Variants in RGS14 observed in about 807,000 individuals in gnomAD.
RGS14 encodes regulator of G-protein signaling 14.
A neutral mutation model predicts 63.8 loss-of-function variants in RGS14; 33 were observed. The observed-to-expected ratio is 0.52, with a 90% CI of 0.39 to 0.69. The LOEUF (loss-of-function observed/expected upper bound fraction) is 0.69. Among genes scored for constraint, RGS14 ranks in the 30% least tolerant of loss-of-function variants. RGS14 has a pLI of 0.00. For missense variants in RGS14, 739 were observed against 742.9 expected, an observed-to-expected ratio of 0.99 and a Z score of 0.06; for synonymous variants, 296 against 320.9, an observed-to-expected ratio of 0.92 and a Z score of 0.83.
chr5:177,364,322 T>C lies in RGS14; in HGVS notation c.46-1641T>C, dbSNP rs1192642268. 6.6e-6 allele frequency among the ~76,000 whole-genome samples: 1 copy of C among 152,110 alleles called. No homozygotes were observed. Among genetic ancestry groups the C allele is most frequent in the Non-Finnish European group, 1.5e-5 (1 of 67,998 alleles). On this transcript the variant is annotated intron_variant, in intron 1 of 14. Coordinates refer to ENST00000408923, the MANE Select transcript of RGS14 (RefSeq NM_006480.5). This position sits in a 1 kb window ranked among gnomAD's most constrained non-coding sequence, Gnocchi z 4.6. ...GCGGGAAGTAGGAACTGGGGATGACTCAAGCCCTGATGTTGGAAGCCCGGG... is the reference window on the plus strand; with the variant it reads ...GCGGGAAGTAGGAACTGGGGATGACCCAAGCCCTGATGTTGGAAGCCCGGG...
At position 177,371,105 on chromosome 5, in the gene RGS14, G is replaced by GGGGCCGGGGCCGGGGCCC. The variant is rs1762253172; in HGVS notation, c.1255-43_1255-42insCGGGCCGGGGCCGGGGCC. ...CGGGGCCGGGGCCGGGGCCGGGGCC[G>GGGGCCGGGGCCGGGGCCC]GGGCCGGGGCCGGGGCCGGGCGGAG... On this transcript the variant is annotated intron_variant, in intron 11 of 14. Transcript: ENST00000408923. The surrounding 1 kb of genome is among the most constrained non-coding windows in gnomAD (Gnocchi z 6.1). 1 of 1,244,284 alleles carries GGGGCCGGGGCCGGGGCCC rather than the reference G, an allele frequency of 8.0e-7. No individual in the cohort carries two copies. The highest frequency in any genetic ancestry group is 1.7e-5 in the African/African-American group (1 of 57,888). 77.1% of individuals were successfully genotyped at this position (1,244,284 alleles called of 1,614,324 possible). A position where few individuals can be genotyped will look rare whatever the true frequency, so the allele number is the denominator to read the frequency against.
intron 3 of RGS14, 25 bp downstream of exon 3, chr5:177,366,380 A>T: frequency 3.9e-6 from 6 of 1,523,030 alleles, no homozygotes; most frequent in Non-Finnish European, 5.3e-6. Context: ...GGGAAAGGGA[A>T]GGGGGGACAC....
Position 177,372,242 on chromosome 5 carries a change from A to G in RGS14, c.*167A>G. On this transcript the variant is annotated 3_prime_UTR_variant, in exon 15 of 15. Coordinates refer to ENST00000408923, the MANE Select transcript of RGS14 (RefSeq NM_006480.5). The stretch of plus-strand genomic sequence containing the variant: ...GGTGGAAAGGGGACTCAGATGAGAC[A>G]CACCCCACAGCTGCCACCGCCTTGT... 1.5e-6 allele frequency: 1 copy of G among 658,154 alleles called. No individual in the cohort carries two copies. The highest frequency in any genetic ancestry group is 1.8e-5 in the South Asian group (1 of 54,082). 40.8% of individuals were successfully genotyped at this position (658,154 alleles called of 1,614,324 possible).
At chr5:177,367,920 T>C in intron 7 of RGS14, 95 bp downstream of exon 7, 1 of 1,445,306 alleles carries the variant, frequency 6.9e-7, no homozygotes, top group South Asian at 1.5e-5. Context: ...CCACAGTCTG[T>C]AAGTCTGTGA....
At chr5:177,369,744 G>A (rs1455615004) in intron 9 of RGS14, among the ~76,000 whole-genome samples, 1 of 152,246 alleles carries the variant, frequency 6.6e-6, no homozygotes, top group East Asian at 1.9e-4. Flanking sequence ...GCATGTTCAG[G>A]GGCCTGGAGT....
At chr5:177,362,705 G>T (rs1761994657) in intron 1 of RGS14, among the ~76,000 whole-genome samples, 1 of 151,738 alleles carries the variant, frequency 6.6e-6, no homozygotes, top group South Asian at 2.1e-4. Flanking sequence ...GCTGAAGGGG[G>T]TTCATTAGTC....
intron 8 of RGS14, among the ~76,000 whole-genome samples, 187 bp downstream of exon 8, chr5:177,368,453 A>G (rs1393981262): frequency 6.6e-6 from 1 of 152,230 alleles, no homozygotes; most frequent in African/African-American, 2.4e-5. Context: ...ATGGGTACAC[A>G]TCCTCAGTTG....
rs1762247382 is a variant in RGS14, at chr5:177,371,081, G to GC, written c.1254+50_1254+51insC. On this transcript the variant is annotated intron_variant, in intron 11 of 14. Coordinates refer to ENST00000408923, the MANE Select transcript of RGS14 (RefSeq NM_006480.5). This position sits in a 1 kb window ranked among gnomAD's most constrained non-coding sequence, Gnocchi z 6.1. The stretch of plus-strand genomic sequence containing the variant: ...GGCGGGGCGGGGCCGGGCCGGGGCC[G>GC]GGGCCGGGGCCGGGGCCGGGGCCGG... The GC allele has an allele frequency of 3.3e-6, 1 of 300,128 alleles. No homozygotes were observed. The highest frequency in any genetic ancestry group is 2.9e-4 in the Admixed American group (1 of 3,508). The allele number at this position is 300,128 out of a possible 1,614,324, so 18.6% of individuals were successfully genotyped here.
intron 9 of RGS14, 126 bp from the exon 10 acceptor site, chr5:177,370,465 C>G (rs1762211322): frequency 2.4e-6 from 2 of 825,326 alleles, no homozygotes; most frequent in East Asian, 5.0e-5. Context: ...AGCTCTTCCA[C>G]CCTCCATCCC....
rs200038905 is a variant in RGS14, at chr5:177,371,916, C to G, written c.1542C>G (p.His514Gln). 6.2e-7 allele frequency: 1 copy of G among 1,613,994 alleles called. No homozygotes were observed. Among genetic ancestry groups the G allele is most frequent in the East Asian group, 2.2e-5 (1 of 44,886 alleles). Residue 514 changes from histidine to glutamine, a missense_variant, in exon 15 of 15, where the codon CAC becomes CAG. Coordinates refer to ENST00000408923, the MANE Select transcript of RGS14 (RefSeq NM_006480.5). The surrounding 1 kb of genome is among the most constrained non-coding windows in gnomAD (Gnocchi z 6.1). ...ACCGGGTGCAGAGCAGCGGGGCCCACGACCAGAGGGGCCTTCTGAGGAAAG... is the reference window on the plus strand; with the variant it reads ...ACCGGGTGCAGAGCAGCGGGGCCCAGGACCAGAGGGGCCTTCTGAGGAAAG... ...LLNRVQSSGA[H>Q]DQRGLLRKED...
At chr5:177,370,543 T>G (rs1268190562) in intron 9 of RGS14, 48 bp from the exon 10 acceptor site, 1 of 1,557,208 alleles carries the variant, frequency 6.4e-7, no homozygotes, top group Non-Finnish European at 8.9e-7. Flanking sequence ...CAGGGATGGC[T>G]GGGGGTTGGG....
At position 177,366,849 on chromosome 5, in the gene RGS14, G is replaced by A. The variant is rs1208075458; in HGVS notation, c.340-42G>A. 3.1e-6 allele frequency: 5 copies of A among 1,613,788 alleles called. No homozygotes were observed. The African/African-American group carries it at 4.0e-5, about 13-fold the overall frequency. On this transcript the variant is annotated intron_variant, in intron 4 of 14. Transcript: ENST00000408923. ...CGAGGGCTGGGGAGAGGGGAACTGG[G>A]CCACGCTCCCTGACCAACTCCTCCT...
chr5:177,357,959 G>A lies in RGS14; in HGVS notation c.-66G>A. On this transcript the variant is annotated 5_prime_UTR_variant, in exon 1 of 15. Transcript: ENST00000408923. Reference sequence around the variant, plus strand: ...CCTGCCCGCCACCGTGCAAGCTCTGGCCGGCGCTGCCCACAGTCCCCATGG... The same window carrying A: ...CCTGCCCGCCACCGTGCAAGCTCTGACCGGCGCTGCCCACAGTCCCCATGG... The A allele has an allele frequency of 7.8e-7, 1 of 1,285,950 alleles. No individual in the cohort carries two copies. The highest frequency in any genetic ancestry group is 2.9e-4 in the Middle Eastern group (1 of 3,458). The allele number at this position is 1,285,950 out of a possible 1,614,324, so 79.7% of individuals were successfully genotyped here.
chr5:177,367,089 G>C, intron 5 of RGS14, 55 bp downstream of exon 5: 14 of 1,557,818 alleles, frequency 9.0e-6, no homozygotes, highest in Non-Finnish European at 1.2e-5. Flanking sequence ...AGCAGGGGCG[G>C]GGTCGGACCC....
intron 1 of RGS14, among the ~76,000 whole-genome samples, chr5:177,361,553 G>A (rs532793653): frequency 2.0e-5 from 3 of 152,298 alleles, no homozygotes; most frequent in East Asian, 3.9e-4. Context: ...GCAAACTTGA[G>A]TTCTAATCTC....
At chr5:177,366,492 C>A in intron 3 of RGS14, 137 bp downstream of exon 3, 1 of 875,308 alleles carries the variant, frequency 1.1e-6, no homozygotes, top group Non-Finnish European at 1.7e-6. Context: ...CCTCTTCTCC[C>A]AGCTGGGAAC....
chr5:177,368,833 C>T lies in RGS14; in HGVS notation c.966C>T (p.Leu322=). ...CCTTGGCCCTGGCCAGACCTGGCCT[C>T]ACCATCCGAGACATGCTGGCAGGGA... ...TASLALARPG[L]TIRDMLAGIC... Residue 322 remains leucine, a synonymous_variant, in exon 9 of 15, where the codon CTC becomes CTT. Transcript: ENST00000408923. The T allele has an allele frequency of 1.2e-6, 2 of 1,614,262 alleles. No individual in the cohort carries two copies. The highest frequency in any genetic ancestry group is 1.7e-6 in the Non-Finnish European group (2 of 1,180,042).
intron 9 of RGS14, 107 bp downstream of exon 9, chr5:177,369,027 C>T (rs1762175830): frequency 1.7e-6 from 2 of 1,161,166 alleles, no homozygotes; most frequent in Admixed American, 4.0e-5. Context: ...AAGTTCTAAA[C>T]CCAACTCCAA....
intron 1 of RGS14, among the ~76,000 whole-genome samples, chr5:177,362,410 C>A (rs1402871018): frequency 2.7e-4 from 41 of 152,264 alleles, no homozygotes; most frequent in Non-Finnish European, 1.5e-5. Flanking sequence ...GAGTTCAGAT[C>A]TGACCCCTCC....
Sources: gnomAD v4.1 joint callset for allele counts (sites outside exome capture counted in the v4.1 genomes callset) on GRCh38, gnomAD v4.1.1 for gene constraint, Gnocchi (gnomAD v3.1) non-coding constraint, MANE v1.5 for transcripts, NCBI Gene and HGNC (gene_info 2026-07-23, HGNC 2026-07-21) for gene names.